EXTL2: variants seen among roughly 807,000 people sequenced by gnomAD.
The protein encoded by EXTL2 is exostosin like glycosyltransferase 2.
In EXTL2, 23 loss-of-function variants were observed where a neutral mutation model predicts 30.7. That is an observed-to-expected ratio of 0.75 (90% CI 0.54 to 1.06). The LOEUF (loss-of-function observed/expected upper bound fraction) is 1.06. EXTL2 is among the 50% of genes least tolerant of loss of function. The pLI is 0.00. For synonymous variants in EXTL2, 123 were observed against 133.8 expected (o/e 0.92, Z 0.56); for missense variants, 352 against 396.3 (o/e 0.89, Z 0.95).
chr1:100,879,190 T>C (rs767831215), intron 2 of EXTL2, among the ~76,000 whole-genome samples: 1 of 152,194 alleles, frequency 6.6e-6, no homozygotes, highest in Non-Finnish European at 1.5e-5. Flanking sequence ...TGACTCCTGC[T>C]GTAGTACTGT....
At chr1:100,887,859 C>A (rs973812525) in intron 2 of EXTL2, among the ~76,000 whole-genome samples, 2 of 152,106 alleles carry the variant, frequency 1.3e-5, no homozygotes, top group Non-Finnish European at 2.9e-5. Context: ...CCATCACACC[C>A]GGCAAATTTT....
rs115034938 is a variant in EXTL2, at chr1:100,883,452, T to C, written c.5+5301A>G. 4.7e-3 allele frequency among the ~76,000 whole-genome samples: 714 copies of C among 152,332 alleles called. 9 individuals carry two copies. Among genetic ancestry groups the C allele is most frequent in the African/African-American group, 0.016 (680 of 41,570 alleles). On this transcript the variant is annotated intron_variant, in intron 2 of 4. Transcript: ENST00000370114. ...TAATTTATTTTCTGTCTCAGTGGAT[T>C]TGCCTATTCTGGATATTTCATATGA...
chr1:100,888,987 A>G, intron 1 of EXTL2, 159 bp from the exon 2 acceptor site: 1 of 401,924 alleles, frequency 2.5e-6, no homozygotes, highest in Non-Finnish European at 4.5e-6. Context: ...AATTATATTT[A>G]GGCAATGAGG....
At chr1:100,889,253 T>G (rs1650219386) in intron 1 of EXTL2, among the ~76,000 whole-genome samples, 1 of 152,230 alleles carries the variant, frequency 6.6e-6, no homozygotes, top group South Asian at 2.1e-4. Flanking sequence ...AAACTGCCAC[T>G]TTTATAACCA....
chr1:100,892,328 T>A (rs1650492679), intron 1 of EXTL2, among the ~76,000 whole-genome samples: 2 of 152,152 alleles, frequency 1.3e-5, no homozygotes, highest in South Asian at 4.2e-4. Context: ...GGGCTTCATC[T>A]TTCTCCTGTA....
chr1:100,877,779 T>C lies in EXTL2; in HGVS notation c.130A>G (p.Lys44Glu). ...CGCAACATGAGCATCTTGTCTTCTT[T>C]AACACTGGGAAGTAAGGCAGTCAAA... ...GALTALLPSV[K>E]EDKMLMLRRE... The change falls in exon 3 of 5, where the codon AAA becomes GAA. Residue 44 changes from lysine (K) to glutamate (E), a missense_variant. Physicochemically the swap from Lys to Glu is moderately conservative, Grantham distance 56 (BLOSUM62 1). Transcript: ENST00000370114. The surrounding 1 kb of genome is among the most constrained non-coding windows in gnomAD (Gnocchi z 4.1). The C allele has an allele frequency of 2.5e-6, 4 of 1,612,276 alleles. No homozygotes were observed. Among genetic ancestry groups the C allele is most frequent in the Non-Finnish European group, 3.4e-6 (4 of 1,179,658 alleles).
At position 100,874,331 on chromosome 1, in the gene EXTL2, A is replaced by G. The variant is rs1485477722; in HGVS notation, c.604T>C (p.Ser202Pro). 4.3e-6 allele frequency: 7 copies of G among 1,612,850 alleles called. No individual in the cohort carries two copies. Among genetic ancestry groups the G allele is most frequent in the Non-Finnish European group, 5.9e-6 (7 of 1,179,370 alleles). ...YGSFEMQAPG[S>P]GNGDQYSMVL... ...ATAGAGTACTGGTCACCATTTCCAG[A>G]CCCTGGTGCTTGCATTTCAAAACTT... is the stretch of plus-strand genomic sequence containing the variant. Residue 202 changes from serine (S) to proline (P), a missense_variant, in exon 5 of 5, where the codon TCT becomes CCT. By Grantham distance (74) the Ser-to-Pro change is moderately conservative (BLOSUM62 -1). Coordinates refer to ENST00000370114, the MANE Select transcript of EXTL2 (RefSeq NM_001033025.3).
chr1:100,879,014 A>G (rs1046067032), intron 2 of EXTL2, among the ~76,000 whole-genome samples: 2 of 152,192 alleles, frequency 1.3e-5, no homozygotes, highest in African/African-American at 4.8e-5. Context: ...TAGCCATAGA[A>G]CAGTAGTGAA....
rs759934270 is a variant in EXTL2, at chr1:100,874,180, A to G, written c.755T>C (p.Ile252Thr). Residue 252 changes from isoleucine (I) to threonine (T), a missense_variant, in exon 5 of 5, where the codon ATT becomes ACT. Coordinates refer to ENST00000370114, the MANE Select transcript of EXTL2 (RefSeq NM_001033025.3). The stretch of plus-strand genomic sequence containing the variant: ...TGAAGTCTTGCCAATATGCTTGGCA[A>G]TGATAAAATTCATGGCAATATCATC... The part of the protein sequence containing the change: ...NCDDIAMNFI[I>T]AKHIGKTSGI... The G allele has an allele frequency of 2.5e-6, 4 of 1,613,078 alleles. No individual in the cohort carries two copies. Among genetic ancestry groups the G allele is most frequent in the Non-Finnish European group, 3.4e-6 (4 of 1,179,500 alleles).
intron 1 of EXTL2, among the ~76,000 whole-genome samples, chr1:100,893,137 A>C (rs1650565487): frequency 6.6e-6 from 1 of 152,242 alleles, no homozygotes; most frequent in Admixed American, 6.5e-5. Context: ...CATATTTAAA[A>C]GTTCAGGGTA....
chr1:100,874,957 T>C (rs1021336000), intron 4 of EXTL2, among the ~76,000 whole-genome samples: 5 of 152,050 alleles, frequency 3.3e-5, no homozygotes, highest in African/African-American at 7.2e-5. Context: ...CTTGGGTGTT[T>C]CTTTTTTTAA....
intron 2 of EXTL2, among the ~76,000 whole-genome samples, chr1:100,883,405 C>T (rs1287850589): frequency 6.6e-6 from 1 of 152,142 alleles, no homozygotes; most frequent in Non-Finnish European, 1.5e-5. Context: ...CCCTGACCTC[C>T]ATCCCAGCTC....
Position 100,874,224 on chromosome 1 carries a change from T to C in EXTL2, c.711A>G (p.Ile237Met). ...QRQPAAVHAL[I>M]DDTQNCDDIA... Reference sequence around the variant, plus strand: ...TATCATCACAGTTTTGAGTATCATCTATCAAAGCATGGACAGCTGCAGGTT... The same window carrying C: ...TATCATCACAGTTTTGAGTATCATCCATCAAAGCATGGACAGCTGCAGGTT... The change falls in exon 5 of 5, where the codon ATA becomes ATG. Residue 237 changes from isoleucine to methionine, a missense_variant. Coordinates refer to ENST00000370114, the MANE Select transcript of EXTL2 (RefSeq NM_001033025.3). 6.2e-7 allele frequency: 1 copy of C among 1,612,886 alleles called. No individual in the cohort carries two copies. The highest frequency in any genetic ancestry group is 1.7e-4 in the Middle Eastern group (1 of 6,034).
chr1:100,878,564 G>T (rs373536553), intron 2 of EXTL2: 40 of 435,960 alleles, frequency 9.2e-5, no homozygotes, highest in African/African-American at 6.9e-4. Flanking sequence ...GGGGTAGCGG[G>T]TATGAAGAGA....
In EXTL2 at chr1:100,873,559, A is replaced by G. The variant is rs1648854408; in HGVS notation, c.*383T>C. ...GAGGCATTTCAGGTTTCAAATTAAA[A>G]CAACTGACCTTTAGTGAAAAAGCAG... On this transcript the variant is annotated 3_prime_UTR_variant, in exon 5 of 5. Transcript: ENST00000370114. 1 of 161,418 alleles carries G rather than the reference A, an allele frequency of 6.2e-6. No individual in the cohort carries two copies. The highest frequency in any genetic ancestry group is 6.0e-5 in the Admixed American group (1 of 16,532). 10.0% of individuals were successfully genotyped at this position (161,418 alleles called of 1,614,324 possible). A position where few individuals can be genotyped will look rare whatever the true frequency, so the allele number is the denominator to read the frequency against.
chr1:100,888,990 C>T (rs1650195458), intron 1 of EXTL2, 162 bp from the exon 2 acceptor site: 1 of 396,928 alleles, frequency 2.5e-6, no homozygotes, highest in East Asian at 3.6e-5. Context: ...TATATTTAGG[C>T]AATGAGGTAG....
intron 1 of EXTL2, among the ~76,000 whole-genome samples, chr1:100,889,683 A>G (rs1650266112): frequency 6.6e-6 from 1 of 152,234 alleles, no homozygotes; most frequent in South Asian, 2.1e-4. Flanking sequence ...AAGGGGCCAC[A>G]GGCCCCATGC....
chr1:100,883,807 T>A (rs942672273), intron 2 of EXTL2, among the ~76,000 whole-genome samples: 1 of 152,150 alleles, frequency 6.6e-6, no homozygotes, highest in African/African-American at 2.4e-5. Context: ...TATTTAAATA[T>A]CTGAGAACTG....
intron 2 of EXTL2, among the ~76,000 whole-genome samples, chr1:100,885,442 A>G (rs1439448927): frequency 6.6e-6 from 1 of 152,192 alleles, no homozygotes; most frequent in African/African-American, 2.4e-5. Context: ...AAACAGACAA[A>G]AAACCTCTTA....
Sources: allele counts gnomAD v4.1 joint callset (sites outside exome capture counted in the v4.1 genomes callset), GRCh38; gene constraint gnomAD v4.1.1; non-coding constraint Gnocchi (gnomAD v3.1); transcripts MANE v1.5; gene names NCBI Gene and HGNC (gene_info 2026-07-23, HGNC 2026-07-21).